THADA: variants seen among roughly 807,000 people sequenced by gnomAD.
The protein encoded by THADA is tRNA (32-2'-O)-methyltransferase regulator THADA.
In THADA, 213 loss-of-function variants were observed where a neutral mutation model predicts 219.8. That is an observed-to-expected ratio of 0.97 (90% CI 0.87 to 1.09). THADA has a LOEUF of 1.09. Ranked by LOEUF, THADA falls within the 50% of genes least tolerant of loss-of-function variation. The probability of loss-of-function intolerance (pLI) is 0.00; values close to 1 mark genes in which losing one functional copy is unlikely to be tolerated. For missense variants in THADA, 2,956 were observed against 2,311.3 expected, an observed-to-expected ratio of 1.28 and a Z score of -5.72; for synonymous variants, 1,018 against 828.9, an observed-to-expected ratio of 1.23 and a Z score of -3.92.
chr2:43,529,315 T>C (rs1364315537), intron 21 of THADA, among the ~76,000 whole-genome samples: 1 of 152,156 alleles, frequency 6.6e-6, no homozygotes, highest in Non-Finnish European at 1.5e-5. Context: ...ACTGTAAGTG[T>C]ATGTCACCAA....
intron 36 of THADA, among the ~76,000 whole-genome samples, chr2:43,267,440 G>A (rs981537178): frequency 1.3e-5 from 2 of 152,220 alleles, no homozygotes; most frequent in African/African-American, 4.8e-5. Flanking sequence ...CAGATTGCGA[G>A]AAGTGAAGTT....
chr2:43,295,791 G>C (rs1172911734), intron 31 of THADA, among the ~76,000 whole-genome samples: 1 of 152,096 alleles, frequency 6.6e-6, no homozygotes. Flanking sequence ...AAAATATAGA[G>C]TATTTATGTA....
Position 43,576,947 on chromosome 2 carries a change from C to T in THADA, c.1037+75G>A, listed in dbSNP as rs191792433. 124 of 1,350,268 alleles carry T rather than the reference C, an allele frequency of 9.2e-5. No individual in the cohort carries two copies. The Middle Eastern group carries it at 4.1e-3, about 45-fold the overall frequency. The allele number at this position is 1,350,268 out of a possible 1,614,324, so 83.6% of individuals were successfully genotyped here. A position where few individuals can be genotyped will look rare whatever the true frequency, so the allele number is the denominator to read the frequency against. On this transcript the variant is annotated intron_variant, in intron 10 of 37. Coordinates refer to ENST00000405975, the MANE Select transcript of THADA (RefSeq NM_022065.5). ...TAGCTGGGATTAGAGGCACAAGCCA[C>T]TCCAGCTTTTGGACTGCATCTTCTA...
At chr2:43,549,415 T>C (rs373826525) in intron 19 of THADA, 47 bp from the exon 20 acceptor site, 81 of 1,540,386 alleles carry the variant, frequency 5.3e-5, no homozygotes, top group Non-Finnish European at 6.8e-5. Context: ...ACACATCACA[T>C]GCCAGATTTC....
chr2:43,351,550 C>T (rs538704592), intron 29 of THADA, among the ~76,000 whole-genome samples: 1 of 152,334 alleles, frequency 6.6e-6, no homozygotes, highest in South Asian at 2.1e-4. Flanking sequence ...GCTCCAACAT[C>T]TCCTTTAATT....
chr2:43,440,009 TTTTA>T (rs1403952860), intron 26 of THADA, among the ~76,000 whole-genome samples: 8 of 152,240 alleles, frequency 5.3e-5, no homozygotes, highest in African/African-American at 7.2e-5. Flanking sequence ...TCATTTCCTT[TTTTA>T]TTTATTAGAT....
At chr2:43,387,112 C>T (rs1672783630) in intron 29 of THADA, among the ~76,000 whole-genome samples, 1 of 152,068 alleles carries the variant, frequency 6.6e-6, no homozygotes. Flanking sequence ...TTGTCCCCCA[C>T]CCAAGAGAGG....
At chr2:43,453,015 C>G (rs1275763070) in intron 26 of THADA, among the ~76,000 whole-genome samples, 1 of 152,110 alleles carries the variant, frequency 6.6e-6, no homozygotes, top group African/African-American at 2.4e-5. Flanking sequence ...CACTTTTCCC[C>G]AGTGAACCGA....
At chr2:43,331,918 T>TACACACACAC (rs141276481) in intron 30 of THADA, among the ~76,000 whole-genome samples, 60 of 142,832 alleles carry the variant, frequency 4.2e-4, no homozygotes, top group Non-Finnish European at 7.0e-4. Context: ...ATATATCTAA[T>TACACACACAC]ACACACACAC....
intron 30 of THADA, among the ~76,000 whole-genome samples, chr2:43,332,369 T>C (rs1344348499): frequency 6.6e-6 from 1 of 152,248 alleles, no homozygotes; most frequent in Non-Finnish European, 1.5e-5. Context: ...TCTCTGCTTC[T>C]GCAACACACT....
At chr2:43,401,622 G>C (rs1156726687) in intron 28 of THADA, among the ~76,000 whole-genome samples, 1 of 152,162 alleles carries the variant, frequency 6.6e-6, no homozygotes, top group Non-Finnish European at 1.5e-5. Context: ...TCACACAATT[G>C]TACAGCACTT....
At chr2:43,421,251 A>C (rs553623266) in intron 28 of THADA, among the ~76,000 whole-genome samples, 62 of 152,368 alleles carry the variant, frequency 4.1e-4, no homozygotes, top group African/African-American at 1.3e-3. Flanking sequence ...CCAAGGGGCC[A>C]GGGTTTCCAC....
intron 4 of THADA, among the ~76,000 whole-genome samples, chr2:43,589,295 G>A (rs1362210566): frequency 6.6e-6 from 1 of 152,158 alleles, no homozygotes; most frequent in Non-Finnish European, 1.5e-5. Context: ...AGCCTTATAA[G>A]AGAAGAAAAT....
At chr2:43,266,510 G>T (rs1572840639) in intron 36 of THADA, among the ~76,000 whole-genome samples, 1 of 152,338 alleles carries the variant, frequency 6.6e-6, no homozygotes, top group East Asian at 1.9e-4. Context: ...GGCTGAGGCA[G>T]GAGAATGGTG....
intron 36 of THADA, among the ~76,000 whole-genome samples, chr2:43,271,269 C>T (rs943893102): frequency 5.3e-5 from 8 of 152,220 alleles, no homozygotes; most frequent in Non-Finnish European, 7.3e-5. Flanking sequence ...GGATTTTCTA[C>T]AGTGGCCAGT....
At chr2:43,276,313 G>C (rs996625308) in intron 36 of THADA, among the ~76,000 whole-genome samples, 2 of 152,176 alleles carry the variant, frequency 1.3e-5, no homozygotes, top group East Asian at 3.8e-4. Context: ...TGCAGGGAGA[G>C]AGTTGTTAAC....
At chr2:43,307,654 A>G (rs569302640) in intron 31 of THADA, among the ~76,000 whole-genome samples, 1 of 152,346 alleles carries the variant, frequency 6.6e-6, no homozygotes, top group African/African-American at 2.4e-5. Flanking sequence ...ACCCACCAGA[A>G]CTAAGCTTAA....
At chr2:43,240,222 A>G (rs1668476241) in intron 36 of THADA, among the ~76,000 whole-genome samples, 1 of 152,132 alleles carries the variant, frequency 6.6e-6, no homozygotes, top group Admixed American at 6.5e-5. Context: ...GCTGCCCACT[A>G]AAGGGAGGAC....
chr2:43,579,167 A>C (rs937548276), intron 8 of THADA, among the ~76,000 whole-genome samples: 1 of 152,146 alleles, frequency 6.6e-6, no homozygotes, highest in African/African-American at 2.4e-5. Context: ...ATAGATACTC[A>C]ATAAACGTGA....
Sources: allele counts gnomAD v4.1 joint callset (sites outside exome capture counted in the v4.1 genomes callset), GRCh38; gene constraint gnomAD v4.1.1; transcripts MANE v1.5; gene names NCBI Gene and HGNC (gene_info 2026-07-23, HGNC 2026-07-21).